Variants in ARMC3 observed in about 807,000 individuals in gnomAD.
ARMC3 encodes armadillo repeat-containing protein 3.
A neutral mutation model predicts 90.3 loss-of-function variants in ARMC3; 74 were observed. That is an observed-to-expected ratio of 0.82 (90% CI 0.68 to 0.99). The LOEUF (loss-of-function observed/expected upper bound fraction) is 0.99, where lower values mean the gene tolerates loss of function less well. Ranked by LOEUF, ARMC3 falls within the 50% of genes least tolerant of loss-of-function variation. The pLI is 0.00. For missense variants in ARMC3, 958 were observed against 1,042.8 expected, an observed-to-expected ratio of 0.92 and a Z score of 1.12; for synonymous variants, 334 against 361.8, an observed-to-expected ratio of 0.92 and a Z score of 0.87.
At chr10:23,030,510 G>C in intron 16 of ARMC3, 86 bp from the exon 17 acceptor site, 1 of 1,511,802 alleles carries the variant, frequency 6.6e-7, no homozygotes, top group Non-Finnish European at 8.8e-7. Context: ...CCTTTTTTCT[G>C]TGATGCTCTT....
At chr10:23,035,947 G>A (rs1427357416) in intron 18 of ARMC3, among the ~76,000 whole-genome samples, 1 of 152,126 alleles carries the variant, frequency 6.6e-6, no homozygotes, top group African/African-American at 2.4e-5. Flanking sequence ...CTTCACCTCA[G>A]TCAGCAGCAG....
rs114654762 is a variant in ARMC3, at chr10:23,033,197, A to G, written c.2409+174A>G. On this transcript the variant is annotated intron_variant, in intron 18 of 18. Coordinates refer to ENST00000298032, the MANE Select transcript of ARMC3 (RefSeq NM_173081.5). ...TATATACAAGCATACACATATATAT[A>G]TATGAATATAAACATGCATATACAC... Among the ~76,000 whole-genome samples the G allele has an allele frequency of 0.023, 3,472 of 152,264 alleles. 117 individuals are homozygous for G. Among genetic ancestry groups the G allele is most frequent in the African/African-American group, 0.079 (3,275 of 41,532 alleles).
chr10:22,929,284 AAGAGAG>A (rs1204453923), intron 1 of ARMC3, among the ~76,000 whole-genome samples: 5 of 148,824 alleles, frequency 3.4e-5, no homozygotes, highest in African/African-American at 7.5e-5. Flanking sequence ...GAGAGAGAGA[AAGAGAG>A]AGAGAAAGAG....
intron 10 of ARMC3, among the ~76,000 whole-genome samples, chr10:22,985,917 T>A (rs1836400178): frequency 6.6e-6 from 1 of 152,164 alleles, no homozygotes; most frequent in African/African-American, 2.4e-5. Context: ...TACATCTCTG[T>A]TACAATGTCA....
At chr10:22,966,363 TAATC>T (rs1835438995) in intron 7 of ARMC3, among the ~76,000 whole-genome samples, 1 of 152,318 alleles carries the variant, frequency 6.6e-6, no homozygotes, top group East Asian at 1.9e-4. Context: ...AGCAGTAAAT[TAATC>T]AATCTCACCT....
intron 1 of ARMC3, 75 bp from the exon 2 acceptor site, chr10:22,931,921 T>C (rs1833947105): frequency 1.6e-6 from 2 of 1,286,168 alleles, no homozygotes; most frequent in African/African-American, 1.5e-5. Flanking sequence ...AAAATAAACC[T>C]CCTCTCAAGG....
intron 8 of ARMC3, among the ~76,000 whole-genome samples, chr10:22,973,118 A>G (rs1490256489): frequency 6.6e-6 from 1 of 151,092 alleles, no homozygotes; most frequent in East Asian, 1.9e-4. Context: ...ACAGAGCAAG[A>G]CCCCCCATCT....
At chr10:22,971,441 G>GTTTT (rs766355258) in intron 8 of ARMC3, among the ~76,000 whole-genome samples, 4 of 128,542 alleles carry the variant, frequency 3.1e-5, no homozygotes, top group Non-Finnish European at 6.7e-5. Context: ...TATATTTTTA[G>GTTTT]TTTTTTTTTT....
intron 10 of ARMC3, among the ~76,000 whole-genome samples, chr10:22,982,302 C>G (rs1836227574): frequency 6.6e-6 from 1 of 152,198 alleles, no homozygotes; most frequent in Admixed American, 6.5e-5. Flanking sequence ...CGCTTGAACC[C>G]CGGAGGTGGA....
chr10:22,953,304 A>T (rs981516193), intron 3 of ARMC3, among the ~76,000 whole-genome samples: 4 of 152,208 alleles, frequency 2.6e-5, no homozygotes, highest in Non-Finnish European at 4.4e-5. Flanking sequence ...ACCTACTGAG[A>T]TATATATCAG....
In ARMC3 at chr10:22,928,074, A is replaced by G. The variant is rs542642516; in HGVS notation, c.-34A>G. 1.3e-5 allele frequency: 2 copies of G among 152,524 alleles called. No homozygotes were observed. The highest frequency in any genetic ancestry group is 4.8e-5 in the African/African-American group (2 of 41,584). The allele number at this position is 152,524 out of a possible 1,614,324, so 9.4% of individuals were successfully genotyped here. On this transcript the variant is annotated 5_prime_UTR_variant, in exon 1 of 19. Transcript: ENST00000298032. Reference sequence around the variant, plus strand: ...GGGGGTTCGTCTGCTGGGTTTGCGGAGCAGCTAGCTACTCGGCGGGATCTC... The same window carrying G: ...GGGGGTTCGTCTGCTGGGTTTGCGGGGCAGCTAGCTACTCGGCGGGATCTC...
At chr10:22,956,847 A>T (rs996806615) in intron 4 of ARMC3, among the ~76,000 whole-genome samples, 2 of 149,660 alleles carry the variant, frequency 1.3e-5, no homozygotes, top group African/African-American at 4.9e-5. Context: ...AGTATCATAT[A>T]ATATGATGGT....
chr10:23,003,545 A>G, intron 13 of ARMC3, 131 bp downstream of exon 13: 3 of 804,070 alleles, frequency 3.7e-6, no homozygotes, highest in Admixed American at 3.0e-5. Context: ...CTTGAAAATC[A>G]GCACTTCATT....
intron 7 of ARMC3, among the ~76,000 whole-genome samples, chr10:22,965,636 C>T (rs1240623346): frequency 6.6e-6 from 1 of 152,166 alleles, no homozygotes; most frequent in South Asian, 2.1e-4. Flanking sequence ...CATTCCTTCT[C>T]TCCCTCCGGA....
At chr10:23,003,805 T>C (rs888561041) in intron 13 of ARMC3, among the ~76,000 whole-genome samples, 4 of 150,990 alleles carry the variant, frequency 2.6e-5, no homozygotes, top group African/African-American at 9.7e-5. Flanking sequence ...TGAATAGACA[T>C]TGCACTCCAC....
At chr10:23,026,447 T>C (rs1333507676) in intron 16 of ARMC3, among the ~76,000 whole-genome samples, 1 of 152,072 alleles carries the variant, frequency 6.6e-6, no homozygotes, top group Non-Finnish European at 1.5e-5. Context: ...TGTCAATCAA[T>C]GTAATCCATC....
intron 1 of ARMC3, among the ~76,000 whole-genome samples, chr10:22,929,451 G>C (rs1392238140): frequency 1.3e-5 from 2 of 152,304 alleles, no homozygotes; most frequent in East Asian, 3.9e-4. Context: ...TATTACCCTT[G>C]TAAGGATCAT....
At chr10:22,983,390 C>T (rs1433269173) in intron 10 of ARMC3, among the ~76,000 whole-genome samples, 1 of 152,160 alleles carries the variant, frequency 6.6e-6, no homozygotes, top group Non-Finnish European at 1.5e-5. Context: ...CATCTGACTC[C>T]TAGTTCCATT....
At chr10:22,933,252 C>A (rs1833997980) in intron 2 of ARMC3, among the ~76,000 whole-genome samples, 2 of 152,124 alleles carry the variant, frequency 1.3e-5, no homozygotes, top group African/African-American at 4.8e-5. Context: ...TAAAATGTTG[C>A]AGATTCTCTT....
Sources: gnomAD v4.1 joint callset for allele counts (sites outside exome capture counted in the v4.1 genomes callset) on GRCh38, gnomAD v4.1.1 for gene constraint, MANE v1.5 for transcripts, NCBI Gene and HGNC (gene_info 2026-07-23, HGNC 2026-07-21) for gene names.